UPP2: variants seen among roughly 807,000 people sequenced by gnomAD.
UPP2 encodes the protein UPase 2.
A neutral mutation model predicts 26.7 loss-of-function variants in UPP2; 23 were observed. The ratio of observed to expected loss-of-function variants is 0.86; its 90% CI spans 0.62 to 1.22. UPP2 has a LOEUF of 1.22. UPP2 is among the 50% of genes most tolerant of loss of function. The pLI, the probability that UPP2 is intolerant of heterozygous loss-of-function variation, is 0.00. For synonymous variants in UPP2, 127 were observed against 141.3 expected, an observed-to-expected ratio of 0.90 and a Z score of 0.72; for missense variants, 387 against 396.7, an observed-to-expected ratio of 0.98 and a Z score of 0.21.
chr2:158,102,327 T>G (rs144643597), intron 1 of UPP2, among the ~76,000 whole-genome samples: 23 of 152,276 alleles, frequency 1.5e-4, no homozygotes, highest in African/African-American at 5.5e-4. Flanking sequence ...TTTTGGGGGT[T>G]AGGGTTTGGC....
At chr2:158,013,891 A>C (rs1683617760) in intron 2 of UPP2, among the ~76,000 whole-genome samples, 1 of 152,210 alleles carries the variant, frequency 6.6e-6, no homozygotes, top group Non-Finnish European at 1.5e-5. Flanking sequence ...GGAAAATCAC[A>C]GACAGGGACT....
Position 157,999,096 on chromosome 2 carries a change from A to G in UPP2, c.61+3837A>G, listed in dbSNP as rs532143566. Reference sequence around the variant, plus strand: ...ATTTGTAGTGTCTAATCTACTTTCAATCCCATCTAGTTTATTTTTCATCTC... The same window carrying G: ...ATTTGTAGTGTCTAATCTACTTTCAGTCCCATCTAGTTTATTTTTCATCTC... On this transcript the variant is annotated intron_variant, in intron 2 of 9. Transcript: ENST00000605860. Among the ~76,000 whole-genome samples the G allele has an allele frequency of 2.6e-5, 4 of 152,232 alleles. No individual in the cohort carries two copies. In the East Asian group the frequency reaches 5.8e-4, roughly 22 times the overall value.
In UPP2 at chr2:158,047,104, C is replaced by T. The variant is rs79403200; in HGVS notation, c.147+31218C>T. Among the ~76,000 whole-genome samples, 67 of 152,278 alleles carry T rather than the reference C, an allele frequency of 4.4e-4. No individual in the cohort carries two copies. The East Asian group carries it at 8.9e-3, about 20-fold the overall frequency. ...ATCTGAGGGAGTTTTGGTTAATAGTCGAAGTCAGCTTATAATGTGTATCTC... is the reference window on the plus strand; with the variant it reads ...ATCTGAGGGAGTTTTGGTTAATAGTTGAAGTCAGCTTATAATGTGTATCTC... On this transcript the variant is annotated intron_variant, in intron 3 of 9. Transcript: ENST00000605860.
chr2:158,128,108 A>G, intron 6 of UPP2: 1 of 731,168 alleles, frequency 1.4e-6, no homozygotes, highest in Non-Finnish European at 1.7e-6. Context: ...CTGACAATAT[A>G]TGAAGCCTAA....
chr2:158,082,662 G>A (rs540198698), intron 3 of UPP2, among the ~76,000 whole-genome samples: 2 of 152,160 alleles, frequency 1.3e-5, no homozygotes, highest in African/African-American at 4.8e-5. Context: ...AAGATTTCAT[G>A]ACTAAAACAC....
At chr2:157,996,946 T>A (rs1226543849) in intron 2 of UPP2, among the ~76,000 whole-genome samples, 1 of 152,240 alleles carries the variant, frequency 6.6e-6, no homozygotes, top group African/African-American at 2.4e-5. Flanking sequence ...ATTGCTTTCA[T>A]CTCAAGTAAT....
rs766435350 is a variant in UPP2, at chr2:158,121,504, C to T, written c.550C>T (p.Arg184Ter). The T allele has an allele frequency of 6.0e-5, 96 of 1,613,232 alleles. 1 individual carries two copies. In the Admixed American group the frequency reaches 8.5e-4, roughly 14 times the overall value. The change falls in exon 5 of 7, where the codon CGA becomes TGA. Residue 184 changes from arginine to a stop codon, truncating the protein, a stop_gained. Transcript: ENST00000005756. LOFTEE classifies it high-confidence loss of function. ...GGTCATTTTGGACAACATTGTCACC[C>T]GAAGTACTGAACTGGACAAAGAACT... is the stretch of plus-strand genomic sequence containing the variant. ...EQVILDNIVT[R>*]STELDKELSE...
chr2:158,037,414 A>G (rs1001714457), intron 3 of UPP2, among the ~76,000 whole-genome samples: 1 of 152,156 alleles, frequency 6.6e-6, no homozygotes, highest in Non-Finnish European at 1.5e-5. Flanking sequence ...GGGGGGATAT[A>G]TTAGTTTCCT....
At chr2:158,074,013 A>G (rs1035363404) in intron 3 of UPP2, among the ~76,000 whole-genome samples, 3 of 152,078 alleles carry the variant, frequency 2.0e-5, no homozygotes, top group Admixed American at 6.6e-5. Context: ...TGTCTCTCCA[A>G]ATTTTTATTT....
chr2:158,129,910 T>C (rs1446719921), intron 6 of UPP2, among the ~76,000 whole-genome samples: 1 of 152,072 alleles, frequency 6.6e-6, no homozygotes. Flanking sequence ...GGACCACAGG[T>C]TCATACAACC....
intron 3 of UPP2, among the ~76,000 whole-genome samples, chr2:158,045,669 C>T (rs1450408330): frequency 6.6e-6 from 1 of 152,082 alleles, no homozygotes; most frequent in Admixed American, 6.6e-5. Context: ...GATGTAGATT[C>T]AATGTAGAGG....
chr2:158,044,612 A>G (rs906542940), intron 3 of UPP2, among the ~76,000 whole-genome samples: 1 of 152,324 alleles, frequency 6.6e-6, no homozygotes, highest in Non-Finnish European at 1.5e-5. Context: ...ATGTATACAC[A>G]TTGTGGAATA....
chr2:158,051,155 ATATGTGTGTGTGTG>A (rs1447004989), intron 3 of UPP2, among the ~76,000 whole-genome samples: 2 of 94,186 alleles, frequency 2.1e-5, no homozygotes, highest in African/African-American at 9.2e-5. Context: ...CACTCTAGGA[ATATGTGTGTGTGTG>A]TGTGTGTGTG....
At chr2:158,067,967 A>G (rs1442992277) in intron 3 of UPP2, among the ~76,000 whole-genome samples, 2 of 152,222 alleles carry the variant, frequency 1.3e-5, no homozygotes, top group African/African-American at 4.8e-5. Context: ...TAAACCATAA[A>G]GTATTCTGCA....
At chr2:158,133,723 A>G (rs1241582236) in intron 6 of UPP2, 1 of 152,224 alleles carries the variant, frequency 6.6e-6, no homozygotes, top group Non-Finnish European at 1.5e-5. Flanking sequence ...CTTACAAAGA[A>G]GTCTGGAGTA....
At chr2:158,091,752 A>C (rs1304623468) in intron 3 of UPP2, among the ~76,000 whole-genome samples, 2 of 152,136 alleles carry the variant, frequency 1.3e-5, no homozygotes, top group Non-Finnish European at 2.9e-5. Flanking sequence ...TCCGTTTTAC[A>C]TGCTTCTCTT....
intron 3 of UPP2, among the ~76,000 whole-genome samples, chr2:158,074,014 A>G (rs1421803266): frequency 6.6e-6 from 1 of 152,108 alleles, no homozygotes; most frequent in Non-Finnish European, 1.5e-5. Flanking sequence ...GTCTCTCCAA[A>G]TTTTTATTTA....
chr2:158,090,639 TG>T (rs1200989227), intron 3 of UPP2, among the ~76,000 whole-genome samples: 3 of 152,240 alleles, frequency 2.0e-5, no homozygotes, highest in Non-Finnish European at 2.9e-5. Flanking sequence ...ATATTATTTT[TG>T]CTTGTTAAAC....
At chr2:158,126,331 C>G (rs1433632758) in intron 6 of UPP2, 1 of 152,270 alleles carries the variant, frequency 6.6e-6, no homozygotes, top group Non-Finnish European at 1.5e-5. Flanking sequence ...AAATAGCTCT[C>G]CCCCAGGCCA....
Sources: allele counts gnomAD v4.1 joint callset (sites outside exome capture counted in the v4.1 genomes callset), GRCh38; gene constraint gnomAD v4.1.1; transcripts MANE v1.5; gene names NCBI Gene and HGNC (gene_info 2026-07-23, HGNC 2026-07-21).